CACNA1C: variants seen among roughly 807,000 people sequenced by gnomAD.
CACNA1C encodes the protein voltage-dependent L-type calcium channel subunit alpha-1C.
CACNA1C carries 30 observed loss-of-function variants against 229.0 expected under a neutral mutation model. That is an observed-to-expected ratio of 0.13 (90% CI 0.10 to 0.18). The LOEUF is 0.18. CACNA1C is among the 10% of genes least tolerant of loss of function. CACNA1C has a pLI of 1.00. For synonymous variants in CACNA1C, 1,114 were observed against 1,132.5 expected (o/e 0.98, Z 0.33); for missense variants, 1,658 against 2,845.0 (o/e 0.58, Z 9.49).
At position 2,575,214 on chromosome 12, in the gene CACNA1C, C is replaced by T. The variant is rs1418834104; in HGVS notation, c.1896-6376C>T. Among the ~76,000 whole-genome samples, 2 of 152,164 alleles carry T rather than the reference C, an allele frequency of 1.3e-5. No homozygotes were observed. Among genetic ancestry groups the T allele is most frequent in the Non-Finnish European group, 2.9e-5 (2 of 68,018 alleles). On this transcript the variant is annotated intron_variant, in intron 13 of 46. Transcript: ENST00000399655. This position sits in a 1 kb window ranked among gnomAD's most constrained non-coding sequence, Gnocchi z 4.0. Reference sequence around the variant, plus strand: ...TCAGCCCTTGCCTCAAAAGTGAAACCACAAAATGGTCTTCCCAGCCTGCTA... The same window carrying T: ...TCAGCCCTTGCCTCAAAAGTGAAACTACAAAATGGTCTTCCCAGCCTGCTA...
At chr12:1,988,389 T>C (rs1047490300) in intron 1 of CACNA1C, among the ~76,000 whole-genome samples, 3 of 152,184 alleles carry the variant, frequency 2.0e-5, no homozygotes, top group Admixed American at 1.3e-4. Flanking sequence ...TTCAGCCACA[T>C]TTCACTGGCC....
chr12:2,492,827 T>A (rs190591057), intron 6 of CACNA1C, among the ~76,000 whole-genome samples: 7 of 152,368 alleles, frequency 4.6e-5, no homozygotes, highest in Non-Finnish European at 1.5e-5. Flanking sequence ...TCTGGGTCAG[T>A]TTCCACTTGC....
At chr12:2,135,309 T>G (rs2093171879) in intron 3 of CACNA1C, among the ~76,000 whole-genome samples, 1 of 146,872 alleles carries the variant, frequency 6.8e-6, no homozygotes, top group Non-Finnish European at 1.5e-5. Context: ...TCTCAGCTCG[T>G]CAAAGTCATT....
intron 3 of CACNA1C, among the ~76,000 whole-genome samples, chr12:2,126,604 C>T (rs776140559): frequency 2.6e-5 from 4 of 152,166 alleles, no homozygotes; most frequent in Admixed American, 2.0e-4. Context: ...GGAGAGAAGA[C>T]GGGATGAGGC....
chr12:2,459,953 A>G (rs1170073095), intron 5 of CACNA1C, among the ~76,000 whole-genome samples: 1 of 152,384 alleles, frequency 6.6e-6, no homozygotes, highest in Middle Eastern at 3.4e-3. Context: ...AGAAAAGAGT[A>G]TAACAGTCAG....
chr12:2,222,030 G>T (rs1181662348), intron 3 of CACNA1C, among the ~76,000 whole-genome samples: 1 of 152,120 alleles, frequency 6.6e-6, no homozygotes, highest in African/African-American at 2.4e-5. Context: ...ACCCTGGAAG[G>T]TATAATAGGT....
At chr12:2,258,949 CAT>C (rs1369383143) in intron 3 of CACNA1C, among the ~76,000 whole-genome samples, 5 of 152,108 alleles carry the variant, frequency 3.3e-5, no homozygotes, top group African/African-American at 4.8e-5. Flanking sequence ...TATAAATTAA[CAT>C]ATGTGTTTTC....
chr12:2,002,712 C>A (rs1307501005), intron 1 of CACNA1C, among the ~76,000 whole-genome samples: 1 of 152,172 alleles, frequency 6.6e-6, no homozygotes, highest in Non-Finnish European at 1.5e-5. Flanking sequence ...AACTATACAT[C>A]CCTGGTCCTC....
chr12:2,280,193 G>A (rs1052595796), intron 3 of CACNA1C, among the ~76,000 whole-genome samples: 3 of 130,572 alleles, frequency 2.3e-5, no homozygotes, highest in Non-Finnish European at 4.9e-5. Context: ...GCTGTGCTTC[G>A]GTTTAACCTC....
Position 2,696,076 on chromosome 12 carries a change from A to G in CACNA1C, c.*4877A>G, listed in dbSNP as rs2097840764. 1 of 152,152 alleles carries G rather than the reference A, an allele frequency of 6.6e-6. No homozygotes were observed. Among genetic ancestry groups the G allele is most frequent in the Admixed American group, 6.5e-5 (1 of 15,278 alleles). The allele number at this position is 152,152 out of a possible 1,614,324, so 9.4% of individuals were successfully genotyped here. On this transcript the variant is annotated 3_prime_UTR_variant, in exon 47 of 47. Transcript: ENST00000399655. ...CTACTATTATTATGACATAAATTCT[A>G]TTTACATACATTGAGAGAATACTAC...
chr12:2,370,775 AT>A (rs2097845893), intron 3 of CACNA1C, among the ~76,000 whole-genome samples: 1 of 152,210 alleles, frequency 6.6e-6, no homozygotes, highest in Admixed American at 6.5e-5. Context: ...TAACTATTGC[AT>A]TTATGAAAAG....
chr12:2,354,979 G>A lies in CACNA1C; in HGVS notation c.478-93997G>A, dbSNP rs541226991. On this transcript the variant is annotated intron_variant, in intron 3 of 46. Transcript: ENST00000399655. The surrounding 1 kb of genome is among the most constrained non-coding windows in gnomAD (Gnocchi z 4.6). The stretch of plus-strand genomic sequence containing the variant: ...AGCCAAATCCTGGAGGTGCAGGTGT[G>A]AGGATGGGTCTGGGTGTGGGGTGGG... Among the ~76,000 whole-genome samples, 23 of 152,044 alleles carry A rather than the reference G, an allele frequency of 1.5e-4. No individual in the cohort carries two copies. The highest frequency in any genetic ancestry group is 3.4e-4 in the Non-Finnish European group (23 of 68,014).
intron 19 of CACNA1C, among the ~76,000 whole-genome samples, chr12:2,594,533 G>C (rs1464004277): frequency 6.6e-6 from 1 of 152,008 alleles, no homozygotes; most frequent in African/African-American, 2.4e-5. Context: ...TCCATTTGTT[G>C]CTTGATTTTC....
At chr12:2,436,707 A>G (rs2099138397) in intron 3 of CACNA1C, among the ~76,000 whole-genome samples, 1 of 152,218 alleles carries the variant, frequency 6.6e-6, no homozygotes, top group South Asian at 2.1e-4. Flanking sequence ...AGCACTGGGC[A>G]CCGTTGCAGA....
intron 26 of CACNA1C, chr12:2,607,915 A>G (rs1301949495): frequency 1.3e-5 from 2 of 152,524 alleles, no homozygotes; most frequent in Non-Finnish European, 2.9e-5. Flanking sequence ...GTGCAGGGCT[A>G]CAGAGGAAGG....
intron 15 of CACNA1C, among the ~76,000 whole-genome samples, chr12:2,583,485 G>T (rs1290022566): frequency 6.6e-6 from 1 of 152,220 alleles, no homozygotes; most frequent in East Asian, 1.9e-4. Flanking sequence ...GGTTTCCAGG[G>T]CACAAGCCAC....
chr12:2,242,071 T>C (rs984163555), intron 3 of CACNA1C, among the ~76,000 whole-genome samples: 27 of 152,298 alleles, frequency 1.8e-4, no homozygotes, highest in African/African-American at 6.5e-4. Flanking sequence ...TTGTGCCCTC[T>C]GCATAGCCCC....
chr12:2,554,357 C>T (rs921928511), intron 10 of CACNA1C, among the ~76,000 whole-genome samples: 1 of 152,172 alleles, frequency 6.6e-6, no homozygotes, highest in African/African-American at 2.4e-5. Context: ...TGTTCCTTAC[C>T]AGCCTTCTCT....
At chr12:2,009,983 A>G (rs2044109685) in intron 1 of CACNA1C, among the ~76,000 whole-genome samples, 1 of 152,216 alleles carries the variant, frequency 6.6e-6, no homozygotes, top group African/African-American at 2.4e-5. Flanking sequence ...GCAAATAGAA[A>G]AAAAACCCAA....
Sources: allele counts gnomAD v4.1 joint callset (sites outside exome capture counted in the v4.1 genomes callset), GRCh38; gene constraint gnomAD v4.1.1; non-coding constraint Gnocchi (gnomAD v3.1); transcripts MANE v1.5; gene names NCBI Gene and HGNC (gene_info 2026-07-23, HGNC 2026-07-21).